The following CSMD3 variants were observed in gnomAD, a reference collection of about 807,000 sequenced individuals.
CSMD3 encodes CUB and sushi domain-containing protein 3.
CSMD3 carries 177 observed loss-of-function variants against 435.2 expected under a neutral mutation model. The observed-to-expected ratio is 0.41, with a 90% CI of 0.36 to 0.46. The LOEUF (loss-of-function observed/expected upper bound fraction) is 0.46, where lower values mean the gene tolerates loss of function less well. Among genes scored for constraint, CSMD3 ranks in the 20% least tolerant of loss-of-function variants. CSMD3 has a pLI of 0.34. For missense variants in CSMD3, 4,265 were observed against 4,504.6 expected (o/e 0.95, Z 1.52); for synonymous variants, 1,656 against 1,520.5 (o/e 1.09, Z -2.07).
At chr8:113,369,937 A>C (rs1229686483) in intron 1 of CSMD3, among the ~76,000 whole-genome samples, 1 of 151,830 alleles carries the variant, frequency 6.6e-6, no homozygotes, top group African/African-American at 2.4e-5. Flanking sequence ...GATGTTGGTA[A>C]AAGGATACAA....
chr8:113,097,084 A>G (rs1210525948), intron 5 of CSMD3, among the ~76,000 whole-genome samples: 1 of 152,044 alleles, frequency 6.6e-6, no homozygotes, highest in Non-Finnish European at 1.5e-5. Flanking sequence ...TCTCACCTAT[A>G]ACATCCAAGG....
At chr8:112,377,564 A>G (rs940579811) in intron 38 of CSMD3, among the ~76,000 whole-genome samples, 1 of 152,176 alleles carries the variant, frequency 6.6e-6, no homozygotes, top group Non-Finnish European at 1.5e-5. Flanking sequence ...ATAATCCAAT[A>G]TCCCTTTTGA....
chr8:112,527,999 T>C (rs1306695734), intron 27 of CSMD3, among the ~76,000 whole-genome samples: 1 of 152,176 alleles, frequency 6.6e-6, no homozygotes, highest in Non-Finnish European at 1.5e-5. Flanking sequence ...ATAGTATTCA[T>C]CTGACCTAAA....
intron 13 of CSMD3, among the ~76,000 whole-genome samples, chr8:112,707,257 A>T (rs2076518312): frequency 6.6e-6 from 1 of 152,204 alleles, no homozygotes; most frequent in Non-Finnish European, 1.5e-5. Context: ...GCAAGTAAGA[A>T]GGATAAACCA....
At chr8:112,240,990 T>A (rs999807759) in intron 66 of CSMD3, among the ~76,000 whole-genome samples, 20 of 152,100 alleles carry the variant, frequency 1.3e-4, no homozygotes, top group Admixed American at 1.2e-3. Context: ...CACTTAAACC[T>A]CTTTCTTTTT....
intron 31 of CSMD3, among the ~76,000 whole-genome samples, chr8:112,486,087 T>G (rs1307900659): frequency 6.6e-6 from 1 of 151,150 alleles, no homozygotes; most frequent in Non-Finnish European, 1.5e-5. Flanking sequence ...AATACAAAAA[T>G]GCATTTAAGA....
chr8:112,810,383 G>A (rs113550732), intron 12 of CSMD3, among the ~76,000 whole-genome samples: 5 of 151,628 alleles, frequency 3.3e-5, no homozygotes, highest in East Asian at 3.9e-4. Context: ...CTAATTAACA[G>A]ACAAATCTGA....
At chr8:112,700,478 GC>G (rs2076365726) in intron 13 of CSMD3, among the ~76,000 whole-genome samples, 1 of 152,074 alleles carries the variant, frequency 6.6e-6, no homozygotes, top group Non-Finnish European at 1.5e-5. Context: ...TCCAGCCTGG[GC>G]AACAAAAGCA....
rs553902731 is a variant in CSMD3, at chr8:112,554,130, C to T, written c.4235-1410G>A. Among the ~76,000 whole-genome samples the T allele has an allele frequency of 5.9e-5, 9 of 151,926 alleles. No individual in the cohort carries two copies. The South Asian group carries it at 1.9e-3, about 32-fold the overall frequency. The stretch of plus-strand genomic sequence containing the variant: ...TTGGACTTATCAGCCCCCACCATTG[C>T]ATGATTCAGTTCCTTAAATTAAATA... On this transcript the variant is annotated intron_variant, in intron 25 of 70. Coordinates refer to ENST00000297405, the MANE Select transcript of CSMD3 (RefSeq NM_198123.2).
intron 32 of CSMD3, among the ~76,000 whole-genome samples, chr8:112,440,142 C>T (rs1262564062): frequency 6.6e-6 from 1 of 152,156 alleles, no homozygotes; most frequent in Admixed American, 6.5e-5. Flanking sequence ...TAGTTACTTC[C>T]TAAATACAAT....
chr8:112,632,746 T>G (rs181411413), intron 22 of CSMD3, among the ~76,000 whole-genome samples: 4 of 152,016 alleles, frequency 2.6e-5, no homozygotes. Flanking sequence ...TACTTATATC[T>G]TAAACAAAAA....
intron 1 of CSMD3, among the ~76,000 whole-genome samples, chr8:113,433,094 G>A (rs1038510105): frequency 6.6e-6 from 1 of 152,174 alleles, no homozygotes; most frequent in Non-Finnish European, 1.5e-5. Context: ...ACTACAGCAG[G>A]AGGGGGCCCT....
intron 23 of CSMD3, among the ~76,000 whole-genome samples, chr8:112,581,990 G>T (rs2131333405): frequency 6.6e-6 from 1 of 152,176 alleles, no homozygotes; most frequent in South Asian, 2.1e-4. Context: ...AAACGGCTTG[G>T]TGTTAGAGCA....
intron 4 of CSMD3, among the ~76,000 whole-genome samples, chr8:113,157,840 CAAAGA>C (rs2091962561): frequency 6.6e-6 from 1 of 151,942 alleles, no homozygotes; most frequent in Non-Finnish European, 1.5e-5. Context: ...TCAAGAAGAG[CAAAGA>C]AATCAAATTT....
At chr8:113,329,267 A>C (rs1479749904) in intron 1 of CSMD3, among the ~76,000 whole-genome samples, 1 of 151,424 alleles carries the variant, frequency 6.6e-6, no homozygotes, top group Non-Finnish European at 1.5e-5. Context: ...ATAATGTCTC[A>C]CCAAATAAAT....
chr8:113,413,828 T>G (rs986889995), intron 1 of CSMD3, among the ~76,000 whole-genome samples: 1 of 152,194 alleles, frequency 6.6e-6, no homozygotes, highest in African/African-American at 2.4e-5. Flanking sequence ...TATTCACTCT[T>G]TCTTCCAAAA....
chr8:112,791,957 T>C (rs1004491568), intron 13 of CSMD3, among the ~76,000 whole-genome samples: 7 of 152,200 alleles, frequency 4.6e-5, no homozygotes, highest in Non-Finnish European at 1.0e-4. Flanking sequence ...TTACATTACC[T>C]TAATAACAAT....
rs78918773 is a variant in CSMD3 at position 112,393,578 on chromosome 8, C to G, written c.5810-2790G>C. Reference sequence around the variant, plus strand: ...GCCTGAAACTCTGTTTATCAAGATTCTAACTCTTCTTCTTTGCATTATAAA... The same window carrying G: ...GCCTGAAACTCTGTTTATCAAGATTGTAACTCTTCTTCTTTGCATTATAAA... On this transcript the variant is annotated intron_variant, in intron 35 of 70. Coordinates refer to ENST00000297405, the MANE Select transcript of CSMD3 (RefSeq NM_198123.2). Among the ~76,000 whole-genome samples, 18 of 152,244 alleles carry G rather than the reference C, an allele frequency of 1.2e-4. No homozygotes were observed. In the East Asian group the frequency reaches 2.1e-3, roughly 18 times the overall value.
chr8:112,729,494 G>T (rs1008145877), intron 13 of CSMD3, among the ~76,000 whole-genome samples: 6 of 152,062 alleles, frequency 3.9e-5, no homozygotes, highest in Non-Finnish European at 8.8e-5. Flanking sequence ...AAAGATTTTT[G>T]CTGTGGCCCC....
Sources: gnomAD v4.1 joint callset for allele counts (sites outside exome capture counted in the v4.1 genomes callset) on GRCh38, gnomAD v4.1.1 for gene constraint, MANE v1.5 for transcripts, NCBI Gene and HGNC (gene_info 2026-07-23, HGNC 2026-07-21) for gene names.